The following COL24A1 variants were observed in gnomAD, a reference collection of about 807,000 sequenced individuals.
COL24A1 encodes the protein collagen alpha-1(XXIV) chain.
Under a neutral mutation model 253.9 loss-of-function variants are expected in COL24A1, and 224 were observed. The ratio of observed to expected loss-of-function variants is 0.88; its 90% CI spans 0.79 to 0.99. COL24A1 has a LOEUF of 0.99. Among genes scored for constraint, COL24A1 ranks in the 50% least tolerant of loss-of-function variants. COL24A1 has a pLI of 0.00. For synonymous variants in COL24A1, 685 were observed against 673.7 expected (o/e 1.02, Z -0.26); for missense variants, 2,131 against 2,068.5 (o/e 1.03, Z -0.59).
intron 28 of COL24A1, among the ~76,000 whole-genome samples, chr1:85,898,459 C>T (rs993166735): frequency 9.2e-5 from 14 of 152,144 alleles, no homozygotes; most frequent in South Asian, 2.1e-4. Flanking sequence ...GCCATAGCTC[C>T]GGCCCTACAA....
chr1:86,011,134 A>T (rs1472072537), intron 19 of COL24A1, among the ~76,000 whole-genome samples: 2 of 152,184 alleles, frequency 1.3e-5, no homozygotes, highest in Non-Finnish European at 1.5e-5. Context: ...GTTAAAATTA[A>T]AGTTTAATAT....
chr1:86,122,552 G>A (rs1647532017), intron 3 of COL24A1, among the ~76,000 whole-genome samples: 1 of 151,820 alleles, frequency 6.6e-6, no homozygotes, highest in Non-Finnish European at 1.5e-5. Context: ...CTCTTTAAAT[G>A]TTTCATTTTT....
In COL24A1 at chr1:85,775,699, C is replaced by A. The variant is rs1668470492; in HGVS notation, c.4349G>T (p.Gly1450Val). The A allele has an allele frequency of 2.5e-6, 4 of 1,604,424 alleles. No homozygotes were observed. The highest frequency in any genetic ancestry group is 2.5e-6 in the Non-Finnish European group (3 of 1,176,990). ...AGTTTCACCTCTAAAGCCCTTTTCACCTCTGGGTCCCTAAAAGAAAAAAAA... is the reference window on the plus strand; with the variant it reads ...AGTTTCACCTCTAAAGCCCTTTTCAACTCTGGGTCCCTAAAAGAAAAAAAA... ...IGPTGRTGPR[G>V]EKGFRGETGP... Residue 1450 changes from glycine (G) to valine (V), a missense_variant, in exon 53 of 60, where the codon GGT (glycine) becomes GTT (valine). By Grantham distance (109) the Gly-to-Val change is moderately radical. Transcript: ENST00000370571.
chr1:86,107,269 T>C (rs1479138287), intron 5 of COL24A1, among the ~76,000 whole-genome samples: 1 of 152,186 alleles, frequency 6.6e-6, no homozygotes, highest in Non-Finnish European at 1.5e-5. Context: ...TGTTTTCTTC[T>C]GTGCAAACCA....
chr1:85,896,175 T>A, intron 29 of COL24A1, 110 bp from the exon 30 acceptor site: 3 of 1,259,900 alleles, frequency 2.4e-6, no homozygotes, highest in Non-Finnish European at 2.2e-6. Context: ...AAGTATATAG[T>A]TCATTATTGA....
intron 1 of COL24A1, among the ~76,000 whole-genome samples, chr1:86,148,563 T>C (rs757890213): frequency 6.6e-6 from 1 of 151,140 alleles, no homozygotes; most frequent in African/African-American, 2.4e-5. Flanking sequence ...TGTGTTTTCA[T>C]TGTTCAATTC....
chr1:86,112,883 C>T (rs1251489693), intron 4 of COL24A1, among the ~76,000 whole-genome samples: 3 of 152,180 alleles, frequency 2.0e-5, no homozygotes, highest in Non-Finnish European at 4.4e-5. Flanking sequence ...GTAGAAATTT[C>T]TTCATGTAAA....
intron 2 of COL24A1, among the ~76,000 whole-genome samples, chr1:86,141,323 G>C (rs991086095): frequency 5.9e-5 from 9 of 152,174 alleles, no homozygotes; most frequent in Admixed American, 5.2e-4. Flanking sequence ...GTGGAGGATT[G>C]AAAGTTTGTA....
At chr1:85,963,874 A>G (rs1691311775) in intron 23 of COL24A1, among the ~76,000 whole-genome samples, 1 of 152,146 alleles carries the variant, frequency 6.6e-6, no homozygotes, top group African/African-American at 2.4e-5. Context: ...AGTAAAGGAG[A>G]ATTGTTAATC....
chr1:85,773,364 G>C (rs1335772572), intron 53 of COL24A1, among the ~76,000 whole-genome samples: 1 of 152,108 alleles, frequency 6.6e-6, no homozygotes, highest in Non-Finnish European at 1.5e-5. Flanking sequence ...CTCTTTTTTG[G>C]TTTCATATGA....
chr1:86,137,640 G>A (rs1650455827), intron 2 of COL24A1, among the ~76,000 whole-genome samples: 1 of 152,056 alleles, frequency 6.6e-6, no homozygotes, highest in Non-Finnish European at 1.5e-5. Context: ...CCAAGACAAC[G>A]ACTTGTTCTT....
At chr1:85,879,410 A>T (rs1681570795) in intron 32 of COL24A1, among the ~76,000 whole-genome samples, 1 of 152,026 alleles carries the variant, frequency 6.6e-6, no homozygotes, top group East Asian at 1.9e-4. Context: ...TTTATTTGTG[A>T]CTATATGTTG....
chr1:85,778,498 T>G (rs1186708564), intron 52 of COL24A1, among the ~76,000 whole-genome samples: 1 of 152,102 alleles, frequency 6.6e-6, no homozygotes, highest in African/African-American at 2.4e-5. Flanking sequence ...GAATCTTTTT[T>G]CCATACAAAA....
chr1:85,762,919 C>T (rs907203194), intron 53 of COL24A1, among the ~76,000 whole-genome samples: 1 of 152,140 alleles, frequency 6.6e-6, no homozygotes, highest in Non-Finnish European at 1.5e-5. Flanking sequence ...TTATTCAGAA[C>T]AAGTCAGATC....
Position 85,895,891 on chromosome 1 carries a change from T to G in COL24A1, c.2889A>C (p.Gly963=), listed in dbSNP as rs768119789. The change falls in exon 31 of 60, where the codon GGA becomes GGC. Residue 963 remains glycine, a synonymous_variant. Transcript: ENST00000370571. The part of the protein sequence containing the change: ...RGPHGLIGKT[G]NPGERGFQGK... ...CTTGAAATCCTCTTTCTCCAGGGTT[T>G]CCAGTCTTACCCTACATGAGAAAGA... The G allele has an allele frequency of 2.5e-6, 4 of 1,609,990 alleles. No individual in the cohort carries two copies. The South Asian group carries it at 4.4e-5, about 18-fold the overall frequency.
At position 86,008,704 on chromosome 1, in the gene COL24A1, C is replaced by A. The variant is rs951742075; in HGVS notation, c.2310+8447G>T. Among the ~76,000 whole-genome samples the A allele has an allele frequency of 5.9e-5, 9 of 151,888 alleles. 1 individual carries two copies. The highest frequency in any genetic ancestry group is 2.0e-4 in the Admixed American group (3 of 15,220). On this transcript the variant is annotated intron_variant, in intron 19 of 59. Coordinates refer to ENST00000370571, the MANE Select transcript of COL24A1 (RefSeq NM_152890.7). The stretch of plus-strand genomic sequence containing the variant: ...AGTGGGAAAGAAGAACTAAAATGAT[C>A]TCTATTTGAAAATTACATGATAGCA...
intron 24 of COL24A1, among the ~76,000 whole-genome samples, chr1:85,916,493 G>A (rs1260522996): frequency 6.6e-6 from 1 of 152,084 alleles, no homozygotes; most frequent in Non-Finnish European, 1.5e-5. Flanking sequence ...GCAACATAGG[G>A]AGATCACATC....
At chr1:85,835,956 A>AT (rs1467676008) in intron 43 of COL24A1, among the ~76,000 whole-genome samples, 3 of 152,206 alleles carry the variant, frequency 2.0e-5, no homozygotes, top group Non-Finnish European at 4.4e-5. Flanking sequence ...GATGCAGGTC[A>AT]TAAGACACAT....
At chr1:85,747,143 G>T (rs146280481) in intron 55 of COL24A1, among the ~76,000 whole-genome samples, 1 of 128,196 alleles carries the variant, frequency 7.8e-6, no homozygotes, top group East Asian at 2.2e-4. Context: ...ATGGAGTCTC[G>T]CTCTGTCACC....
Sources: gnomAD v4.1 joint callset for allele counts (sites outside exome capture counted in the v4.1 genomes callset) on GRCh38, gnomAD v4.1.1 for gene constraint, MANE v1.5 for transcripts, NCBI Gene and HGNC (gene_info 2026-07-23, HGNC 2026-07-21) for gene names.